ARHGEF10L: variants seen among roughly 807,000 people sequenced by gnomAD.
The protein encoded by ARHGEF10L is Rho guanine nucleotide exchange factor 10 like.
A neutral mutation model predicts 141.2 loss-of-function variants in ARHGEF10L; 69 were observed. The ratio of observed to expected loss-of-function variants is 0.49; its 90% confidence interval spans 0.40 to 0.60. ARHGEF10L has a LOEUF of 0.60. Among genes scored for constraint, ARHGEF10L ranks in the 20% least tolerant of loss-of-function variants. The pLI is 0.00. For synonymous variants in ARHGEF10L, 711 were observed against 718.5 expected, an observed-to-expected ratio of 0.99 and a Z score of 0.17; for missense variants, 1,482 against 1,734.3, an observed-to-expected ratio of 0.85 and a Z score of 2.58.
intron 4 of ARHGEF10L, among the ~76,000 whole-genome samples, chr1:17,597,271 T>C (rs956586404): frequency 2.0e-5 from 3 of 152,164 alleles, no homozygotes; most frequent in African/African-American, 7.2e-5. Flanking sequence ...TGCCTCTTAC[T>C]GGTTTTTATG....
chr1:17,581,327 AAAAAAG>A (rs1378234360), intron 2 of ARHGEF10L, among the ~76,000 whole-genome samples: 4 of 151,428 alleles, frequency 2.6e-5, no homozygotes, highest in African/African-American at 9.7e-5. Context: ...AAAAAAAAAA[AAAAAAG>A]AAAAGAGAAA....
chr1:17,529,065 G>A, the ARHGEF10L span, among the ~76,000 whole-genome samples: 14 of 152,024 alleles, frequency 9.2e-5, no homozygotes, highest in South Asian at 6.2e-4. Context: ...GTACAGTGGC[G>A]TGATCTTGGC....
intron 2 of ARHGEF10L, among the ~76,000 whole-genome samples, chr1:17,585,398 TGG>T (rs2078941786): frequency 6.6e-6 from 1 of 152,142 alleles, no homozygotes; most frequent in Admixed American, 6.5e-5. Context: ...GGAAGCTGCC[TGG>T]GGCACAGCTC....
intron 26 of ARHGEF10L, among the ~76,000 whole-genome samples, chr1:17,681,644 C>G (rs2064136386): frequency 6.6e-6 from 1 of 152,158 alleles, no homozygotes; most frequent in African/African-American, 2.4e-5. Context: ...CAGGGGAGCC[C>G]TACACCTCCC....
chr1:17,654,858 G>T lies in ARHGEF10L; in HGVS notation c.2481+136G>T. On this transcript the variant is annotated intron_variant, in intron 23 of 28. Coordinates refer to ENST00000361221, the MANE Select transcript of ARHGEF10L (RefSeq NM_018125.4). This position sits in a 1 kb window ranked among gnomAD's most constrained non-coding sequence, Gnocchi z 4.3. ...GCTTCATCCACCAAGGTCTTCCTGGGCACCTCTGGTGCCAGGCACTGCATT... is the reference window on the plus strand; with the variant it reads ...GCTTCATCCACCAAGGTCTTCCTGGTCACCTCTGGTGCCAGGCACTGCATT... 1.2e-6 allele frequency: 1 copy of T among 837,120 alleles called. No individual in the cohort carries two copies. Among genetic ancestry groups the T allele is most frequent in the Non-Finnish European group, 2.0e-6 (1 of 505,912 alleles). The allele number at this position is 837,120 out of a possible 1,614,324, so 51.9% of individuals were successfully genotyped here. A position where few individuals can be genotyped will look rare whatever the true frequency, so the allele number is the denominator to read the frequency against.
At chr1:17,645,730 G>A (rs140527014) in intron 21 of ARHGEF10L, among the ~76,000 whole-genome samples, 2,055 of 152,322 alleles carry the variant, frequency 0.013, 26 homozygotes, top group Non-Finnish European at 0.021. Context: ...AAGGTGCGTC[G>A]CAGGCACCGT....
intron 26 of ARHGEF10L, among the ~76,000 whole-genome samples, chr1:17,677,493 G>A (rs116468495): frequency 9.1e-4 from 139 of 152,358 alleles, no homozygotes; most frequent in Middle Eastern, 3.4e-3. Flanking sequence ...CTGGCCCAGG[G>A]TGGGCACTGG....
chr1:17,523,729 G>C, the ARHGEF10L span, among the ~76,000 whole-genome samples: 1 of 152,148 alleles, frequency 6.6e-6, no homozygotes, highest in Non-Finnish European at 1.5e-5. Context: ...GGACTTTTGA[G>C]CCATGGGTTC....
intron 27 of ARHGEF10L, among the ~76,000 whole-genome samples, chr1:17,690,155 C>T (rs1198746823): frequency 2.6e-5 from 4 of 152,174 alleles, no homozygotes; most frequent in Admixed American, 6.5e-5. Flanking sequence ...ACTGTGTAGC[C>T]TTGGGCGGTT....
At chr1:17,548,723 A>G (rs754020185) in intron 1 of ARHGEF10L, among the ~76,000 whole-genome samples, 1 of 133,104 alleles carries the variant, frequency 7.5e-6, no homozygotes, top group Non-Finnish European at 1.5e-5. Context: ...GTCTTGGCTC[A>G]CTGCATCCTC....
Position 17,626,020 on chromosome 1 carries a change from G to A in ARHGEF10L, c.1382G>A (p.Arg461Lys), listed in dbSNP as rs1430817164. 12 of 1,613,854 alleles carry A rather than the reference G, an allele frequency of 7.4e-6. No individual in the cohort carries two copies. Among genetic ancestry groups the A allele is most frequent in the Admixed American group, 1.7e-5 (1 of 59,990 alleles). The change falls in exon 14 of 29, where the codon AGG becomes AAG. Residue 461 changes from arginine to lysine, a missense_variant. Coordinates refer to ENST00000361221, the MANE Select transcript of ARHGEF10L (RefSeq NM_018125.4). Reference protein sequence around the residue: ...LYGLMVKPIQRFPQFILLLQD... With the variant: ...LYGLMVKPIQKFPQFILLLQD... ...GGGCTGATGGTCAAGCCCATCCAGA[G>A]GTTCCCACAGTTCATACTCCTGCTT...
chr1:17,557,365 C>A (rs12568138), intron 1 of ARHGEF10L, among the ~76,000 whole-genome samples: 19,373 of 148,830 alleles, frequency 0.13, 1,718 homozygotes, highest in East Asian at 0.48. Flanking sequence ...ACAAAAAAAA[C>A]CAAAAAAAAC....
chr1:17,561,503 G>A (rs975856996), intron 1 of ARHGEF10L, among the ~76,000 whole-genome samples: 2 of 152,352 alleles, frequency 1.3e-5, no homozygotes, highest in Non-Finnish European at 2.9e-5. Context: ...TTCCTCTCCT[G>A]TCTCGCAGAG....
At chr1:17,661,358 G>A (rs1001352742) in intron 25 of ARHGEF10L, among the ~76,000 whole-genome samples, 2 of 152,242 alleles carry the variant, frequency 1.3e-5, no homozygotes, top group Admixed American at 1.3e-4. Flanking sequence ...GATTACAGGC[G>A]TGAGCCACCG....
intron 26 of ARHGEF10L, among the ~76,000 whole-genome samples, chr1:17,686,014 C>G (rs1406213906): frequency 6.6e-6 from 1 of 152,172 alleles, no homozygotes; most frequent in Admixed American, 6.5e-5. Context: ...CCTCAGGGTG[C>G]AGCTCTTCCT....
In ARHGEF10L at chr1:17,569,829, C is replaced by T. The variant is rs528880579; in HGVS notation, c.-43-10724C>T. Among the ~76,000 whole-genome samples the T allele has an allele frequency of 5.3e-5, 8 of 152,370 alleles. No homozygotes were observed. The East Asian group carries it at 1.5e-3, about 29-fold the overall frequency. ...TGTCCCCTTTGCCGGCCACATGCTTCTGACTCATCAGAGGAAGAATGTGGT... is the reference window on the plus strand; with the variant it reads ...TGTCCCCTTTGCCGGCCACATGCTTTTGACTCATCAGAGGAAGAATGTGGT... On this transcript the variant is annotated intron_variant, in intron 1 of 28. Coordinates refer to ENST00000361221, the MANE Select transcript of ARHGEF10L (RefSeq NM_018125.4).
chr1:17,553,381 C>G (rs1462156159), intron 1 of ARHGEF10L, among the ~76,000 whole-genome samples: 1 of 152,190 alleles, frequency 6.6e-6, no homozygotes, highest in Non-Finnish European at 1.5e-5. Flanking sequence ...ATCTAGGAAT[C>G]TGTAAGAGTC....
At chr1:17,658,134 C>T (rs565210492) in intron 25 of ARHGEF10L, among the ~76,000 whole-genome samples, 1 of 152,216 alleles carries the variant, frequency 6.6e-6, no homozygotes, top group Non-Finnish European at 1.5e-5. Context: ...TTTTCCCTGG[C>T]TGTGTGTCTG....
rs749535452 is a variant in ARHGEF10L, at chr1:17,607,911, G to A, written c.543G>A (p.Ser181=). The part of the protein sequence containing the change: ...SSEFESYSED[S]GEEAKPEVEV... ...AGTTCGAGAGCTACAGCGAGGACTC[G>A]GGGGAGGAGGCCAAGCCGGAGGTCG... The change falls in exon 7 of 29, where the codon TCG becomes TCA. Residue 181 remains serine (S), a synonymous_variant. Coordinates refer to ENST00000361221, the MANE Select transcript of ARHGEF10L (RefSeq NM_018125.4). This position sits in a 1 kb window ranked among gnomAD's most constrained non-coding sequence, Gnocchi z 4.5. 1.8e-5 allele frequency: 27 copies of A among 1,536,396 alleles called. No homozygotes were observed. Among genetic ancestry groups the A allele is most frequent in the Non-Finnish European group, 2.2e-5 (25 of 1,145,076 alleles).
Sources: gnomAD v4.1 joint callset for allele counts (sites outside exome capture counted in the v4.1 genomes callset) on GRCh38, gnomAD v4.1.1 for gene constraint, Gnocchi (gnomAD v3.1) non-coding constraint, MANE v1.5 for transcripts, NCBI Gene and HGNC (gene_info 2026-07-23, HGNC 2026-07-21) for gene names.